LDLRAD4: variants seen among roughly 807,000 people sequenced by gnomAD.
The protein encoded by LDLRAD4 is low density lipoprotein receptor class A domain containing 4.
LDLRAD4 carries 5 observed loss-of-function variants against 17.0 expected under a neutral mutation model. The ratio of observed to expected loss-of-function variants is 0.29; its 90% confidence interval spans 0.15 to 0.62. The LOEUF (loss-of-function observed/expected upper bound fraction) is 0.62, where lower values mean the gene tolerates loss of function less well. Ranked by LOEUF, LDLRAD4 falls within the 20% of genes least tolerant of loss-of-function variation. The pLI is 0.84. For missense variants in LDLRAD4, 340 were observed against 424.7 expected, an observed-to-expected ratio of 0.80 and a Z score of 1.75; for synonymous variants, 168 against 171.8, an observed-to-expected ratio of 0.98 and a Z score of 0.17.
At chr18:13,497,782 T>C (rs571960692) in intron 3 of LDLRAD4, among the ~76,000 whole-genome samples, 3 of 152,226 alleles carry the variant, frequency 2.0e-5, no homozygotes, top group Non-Finnish European at 4.4e-5. Flanking sequence ...AGAAACACTT[T>C]GTTAGCTGGG....
intron 1 of LDLRAD4, among the ~76,000 whole-genome samples, chr18:13,244,981 A>G (rs1054460146): frequency 3.9e-5 from 6 of 152,222 alleles, no homozygotes; most frequent in South Asian, 2.1e-4. Context: ...GGCCCCTGCA[A>G]TTCCGTGAGG....
chr18:13,639,780 G>A (rs2042369315), intron 4 of LDLRAD4, among the ~76,000 whole-genome samples: 1 of 152,090 alleles, frequency 6.6e-6, no homozygotes, highest in Admixed American at 6.5e-5. Context: ...GGGGCAGGGG[G>A]CAATTGTCAG....
intron 1 of LDLRAD4, among the ~76,000 whole-genome samples, chr18:13,284,758 C>A (rs72869867): frequency 6.6e-6 from 1 of 152,226 alleles, no homozygotes; most frequent in South Asian, 2.1e-4. Flanking sequence ...GTCCGTTTTC[C>A]GCCTTCCTGC....
intron 1 of LDLRAD4, chr18:13,362,241 T>A (rs531765951): frequency 6.6e-6 from 1 of 152,374 alleles, no homozygotes; most frequent in South Asian, 2.1e-4. Flanking sequence ...TCTAGTCTGA[T>A]AGTCTGTCAG....
At chr18:13,443,240 C>T (rs1044027277) in intron 3 of LDLRAD4, among the ~76,000 whole-genome samples, 4 of 152,138 alleles carry the variant, frequency 2.6e-5, no homozygotes, top group African/African-American at 9.7e-5. Context: ...TTCCCACCTT[C>T]GTCATTTTTT....
At chr18:13,381,364 G>T (rs866802019) in intron 1 of LDLRAD4, among the ~76,000 whole-genome samples, 1 of 152,144 alleles carries the variant, frequency 6.6e-6, no homozygotes, top group African/African-American at 2.4e-5. Context: ...CACCGTGCCC[G>T]CCCACTGTAT....
At chr18:13,504,727 T>A (rs2567168) in intron 3 of LDLRAD4, among the ~76,000 whole-genome samples, 1 of 152,164 alleles carries the variant, frequency 6.6e-6, no homozygotes, top group Non-Finnish European at 1.5e-5. Context: ...CCACCCCACT[T>A]GGCCATTCTG....
At chr18:13,371,081 T>A (rs1003628009) in intron 1 of LDLRAD4, among the ~76,000 whole-genome samples, 1 of 152,298 alleles carries the variant, frequency 6.6e-6, no homozygotes, top group Admixed American at 6.5e-5. Flanking sequence ...AAGCTGTGGC[T>A]CCTGGCGGAC....
chr18:13,472,840 C>T (rs975265630), intron 3 of LDLRAD4: 7 of 152,198 alleles, frequency 4.6e-5, no homozygotes, highest in Admixed American at 2.0e-4. Flanking sequence ...TAGTTAACAG[C>T]GAGCACATCT....
chr18:13,621,011 GTGTGAGAGGCCTTC>G lies in LDLRAD4; in HGVS notation c.182-105_182-92del. Reference sequence around the variant, plus strand: ...CTGCTGGCCTCTGAGGAACAGACGTGTGTGAGAGGCCTTCAGGGCCTGATGGCTGGGGTGGTGAC... The same window carrying G: ...CTGCTGGCCTCTGAGGAACAGACGTGAGGGCCTGATGGCTGGGGTGGTGAC... On this transcript the variant is annotated intron_variant, in intron 3 of 5. Coordinates refer to ENST00000359446, the Ensembl canonical transcript of LDLRAD4. This position sits in a 1 kb window ranked among gnomAD's most constrained non-coding sequence, Gnocchi z 5.5. 6.7e-7 allele frequency: 1 copy of G among 1,491,060 alleles called. No individual in the cohort carries two copies. The highest frequency in any genetic ancestry group is 9.3e-7 in the Non-Finnish European group (1 of 1,078,950). The allele number at this position is 1,491,060 out of a possible 1,614,324, so 92.4% of individuals were successfully genotyped here. A position where few individuals can be genotyped will look rare whatever the true frequency, so the allele number is the denominator to read the frequency against.
At chr18:13,353,847 C>T (rs1474334359) in intron 1 of LDLRAD4, among the ~76,000 whole-genome samples, 1 of 152,204 alleles carries the variant, frequency 6.6e-6, no homozygotes, top group Non-Finnish European at 1.5e-5. Flanking sequence ...TAGGCATTTG[C>T]TTAATGACTA....
chr18:13,278,683 A>G (rs1012699287), intron 1 of LDLRAD4, among the ~76,000 whole-genome samples: 2 of 152,188 alleles, frequency 1.3e-5, no homozygotes, highest in Non-Finnish European at 2.9e-5. Context: ...TATATTTTTA[A>G]TGTGCCTGGT....
intron 3 of LDLRAD4, among the ~76,000 whole-genome samples, chr18:13,457,481 C>G (rs2092204288): frequency 6.6e-6 from 1 of 152,164 alleles, no homozygotes; most frequent in African/African-American, 2.4e-5. Context: ...GGGATGGGGC[C>G]TTCTCTGAGG....
intron 3 of LDLRAD4, chr18:13,515,319 T>G (rs1407861482): frequency 6.6e-6 from 1 of 152,250 alleles, no homozygotes; most frequent in African/African-American, 2.4e-5. Context: ...CTGACTTTGC[T>G]TTTTGAAAAG....
At chr18:13,548,671 G>T (rs1490096686) in intron 3 of LDLRAD4, among the ~76,000 whole-genome samples, 2 of 152,226 alleles carry the variant, frequency 1.3e-5, no homozygotes, top group East Asian at 3.9e-4. Flanking sequence ...GAGTCCAGGG[G>T]TGCAGGGATG....
chr18:13,630,152 A>G (rs1448026369), intron 4 of LDLRAD4, among the ~76,000 whole-genome samples: 1 of 152,244 alleles, frequency 6.6e-6, no homozygotes, highest in Admixed American at 6.5e-5. Flanking sequence ...TCCCAGAAAT[A>G]GAAAGGATTC....
At chr18:13,283,110 C>T (rs918795317) in intron 1 of LDLRAD4, among the ~76,000 whole-genome samples, 1 of 152,326 alleles carries the variant, frequency 6.6e-6, no homozygotes, top group East Asian at 1.9e-4. Flanking sequence ...GCCCAGCCCA[C>T]AAAACCACTT....
chr18:13,344,638 T>C (rs1283008026), intron 1 of LDLRAD4, among the ~76,000 whole-genome samples: 2 of 152,232 alleles, frequency 1.3e-5, no homozygotes, highest in Non-Finnish European at 2.9e-5. Flanking sequence ...GGTAGCTTGA[T>C]GGGGATGGCA....
At chr18:13,458,652 CT>C (rs2092273540) in intron 3 of LDLRAD4, among the ~76,000 whole-genome samples, 1 of 152,182 alleles carries the variant, frequency 6.6e-6, no homozygotes, top group African/African-American at 2.4e-5. Context: ...GCAAAAGGGA[CT>C]TTACAGATAT....
Sources: gnomAD v4.1 joint callset for allele counts (sites outside exome capture counted in the v4.1 genomes callset) on GRCh38, gnomAD v4.1.1 for gene constraint, Gnocchi (gnomAD v3.1) non-coding constraint, MANE v1.5 for transcripts, NCBI Gene and HGNC (gene_info 2026-07-23, HGNC 2026-07-21) for gene names.